IL1RAPL2: variants seen among roughly 807,000 people sequenced by gnomAD.
IL1RAPL2 encodes X-linked interleukin-1 receptor accessory protein-like 2.
Under a neutral mutation model 44.1 loss-of-function variants are expected in IL1RAPL2, and 3 were observed. That is an observed-to-expected ratio of 0.07 (90% CI 0.03 to 0.18). IL1RAPL2 has a LOEUF of 0.18. Among genes scored for constraint, IL1RAPL2 ranks in the 10% least tolerant of loss-of-function variants. The pLI is 1.00. For synonymous variants in IL1RAPL2, 181 were observed against 178.8 expected, an observed-to-expected ratio of 1.01 and a Z score of -0.10; for missense variants, 391 against 496.4, an observed-to-expected ratio of 0.79 and a Z score of 2.02.
intron 2 of IL1RAPL2, among the ~76,000 whole-genome samples, chrX:104,816,334 A>C (rs1026612873): frequency 8.9e-6 from 1 of 111,888 alleles, no homozygotes; most frequent in African/African-American, 3.3e-5. Context: ...CAAGGTTTCT[A>C]TTTCTATTAT....
intron 3 of IL1RAPL2, among the ~76,000 whole-genome samples, chrX:105,202,364 T>C (rs1556147074): frequency 1.8e-5 from 2 of 112,576 alleles, no homozygotes; most frequent in Non-Finnish European, 3.8e-5. Flanking sequence ...CAATCTTAAG[T>C]GACTTGGTTT....
chrX:105,444,810 G>A (rs1602414939), intron 5 of IL1RAPL2, among the ~76,000 whole-genome samples: 2 of 110,293 alleles, frequency 1.8e-5, no homozygotes, highest in East Asian at 5.8e-4. Flanking sequence ...ACCCTGTTGA[G>A]GATTTTTGCA....
intron 6 of IL1RAPL2, among the ~76,000 whole-genome samples, chrX:105,709,581 G>A (rs1441934706): frequency 9.0e-6 from 1 of 111,538 alleles, no homozygotes; most frequent in Non-Finnish European, 1.9e-5. Context: ...AGAAGAAAGT[G>A]TGGCTTATTA....
chrX:104,677,775 C>T (rs1052454047), intron 2 of IL1RAPL2, among the ~76,000 whole-genome samples: 4 of 112,082 alleles, frequency 3.6e-5, no homozygotes, highest in African/African-American at 1.3e-4. Context: ...CCCTCCATGC[C>T]AGTTGTGGGA....
intron 4 of IL1RAPL2, among the ~76,000 whole-genome samples, chrX:105,252,244 G>A (rs1246442080): frequency 1.8e-5 from 2 of 111,306 alleles, no homozygotes. Flanking sequence ...ACCCATCTAT[G>A]TTATGACATA....
At chrX:105,634,827 C>T (rs757722725) in intron 6 of IL1RAPL2, among the ~76,000 whole-genome samples, 14 of 111,756 alleles carry the variant, frequency 1.3e-4, no homozygotes, top group South Asian at 7.4e-4. Flanking sequence ...CCATGCAAAG[C>T]ACTTTTGTAA....
chrX:105,710,206 C>A (rs1159429890), intron 6 of IL1RAPL2, among the ~76,000 whole-genome samples: 1 of 110,546 alleles, frequency 9.0e-6, no homozygotes, highest in Non-Finnish European at 1.9e-5. Flanking sequence ...GGGTCTCAGT[C>A]TCTCTTTGTC....
intron 5 of IL1RAPL2, among the ~76,000 whole-genome samples, chrX:105,375,834 T>C (rs928802869): frequency 2.7e-5 from 3 of 112,155 alleles, no homozygotes; most frequent in African/African-American, 9.7e-5. Flanking sequence ...CTCTAGTTTT[T>C]TCATGTGCAC....
At chrX:105,630,732 A>T (rs2037486325) in intron 6 of IL1RAPL2, among the ~76,000 whole-genome samples, 1 of 110,851 alleles carries the variant, frequency 9.0e-6, no homozygotes, top group Admixed American at 9.6e-5. Context: ...GTGTCAAAAA[A>T]TTGAAAGGTG....
At chrX:105,708,910 T>C (rs1469958143) in intron 6 of IL1RAPL2, among the ~76,000 whole-genome samples, 1 of 112,313 alleles carries the variant, frequency 8.9e-6, no homozygotes, top group Non-Finnish European at 1.9e-5. Flanking sequence ...GAATCATGTG[T>C]ATTTAATTTT....
At chrX:104,577,310 G>T (rs1365678334) in intron 1 of IL1RAPL2, among the ~76,000 whole-genome samples, 1 of 111,614 alleles carries the variant, frequency 9.0e-6, no homozygotes, top group Admixed American at 9.6e-5. Flanking sequence ...AGAATATTTA[G>T]GTAAGAGTGA....
chrX:105,568,434 C>G (rs2036990618), intron 6 of IL1RAPL2, among the ~76,000 whole-genome samples: 1 of 111,883 alleles, frequency 8.9e-6, no homozygotes, highest in African/African-American at 3.2e-5. Flanking sequence ...GTTAACTTCC[C>G]TTTACTTTAA....
intron 2 of IL1RAPL2, among the ~76,000 whole-genome samples, chrX:105,019,291 T>C (rs2031241866): frequency 9.0e-6 from 1 of 111,704 alleles, no homozygotes; most frequent in South Asian, 3.7e-4. Context: ...AACCATACCT[T>C]CAACTATTGT....
intron 2 of IL1RAPL2, among the ~76,000 whole-genome samples, chrX:104,746,579 G>A (rs932926508): frequency 3.6e-5 from 4 of 111,640 alleles, no homozygotes; most frequent in African/African-American, 9.7e-5. Flanking sequence ...GATTTTCTAC[G>A]TCTCTGTCTC....
At chrX:105,645,763 A>G (rs754183000) in intron 6 of IL1RAPL2, among the ~76,000 whole-genome samples, 11 of 111,851 alleles carry the variant, frequency 9.8e-5, no homozygotes, top group Non-Finnish European at 2.1e-4. Context: ...TATTCAATAC[A>G]TGGTAGCTAA....
intron 2 of IL1RAPL2, among the ~76,000 whole-genome samples, chrX:104,826,480 G>A (rs906263979): frequency 1.3e-4 from 15 of 111,710 alleles, no homozygotes; most frequent in Non-Finnish European, 2.4e-4. Context: ...CTCAGAGACT[G>A]TTTGTTATGA....
intron 2 of IL1RAPL2, among the ~76,000 whole-genome samples, chrX:104,770,976 GA>G (rs1932633112): frequency 9.0e-6 from 1 of 111,473 alleles, no homozygotes; most frequent in Non-Finnish European, 1.9e-5. Flanking sequence ...AAAATGCCCA[GA>G]TAACTCATTC....
chrX:104,937,518 A>T (rs747786640), intron 2 of IL1RAPL2, among the ~76,000 whole-genome samples: 83 of 112,082 alleles, frequency 7.4e-4, no homozygotes, highest in Non-Finnish European at 1.3e-3. Context: ...TTCACATTCC[A>T]TTGGCAAGAA....
chrX:105,075,256 T>G (rs150564542), intron 2 of IL1RAPL2, among the ~76,000 whole-genome samples: 2,181 of 111,796 alleles, frequency 0.02, 54 homozygotes, highest in African/African-American at 0.067. Flanking sequence ...CATGAAGGGT[T>G]GTTGAATTTT....
Sources: allele counts gnomAD v4.1 joint callset (sites outside exome capture counted in the v4.1 genomes callset), GRCh38; gene constraint gnomAD v4.1.1; transcripts MANE v1.5; gene names NCBI Gene and HGNC (gene_info 2026-07-23, HGNC 2026-07-21).